The following RB1CC1 variants were observed in gnomAD, a reference collection of about 807,000 sequenced individuals.
RB1CC1 encodes RB1 inducible coiled-coil 1.
In RB1CC1, 46 loss-of-function variants were observed where a neutral mutation model predicts 177.5. The observed-to-expected ratio is 0.26, with a 90% CI of 0.20 to 0.33. The LOEUF is 0.33. Ranked by LOEUF, RB1CC1 falls within the 10% of genes least tolerant of loss-of-function variation. The probability of loss-of-function intolerance (pLI) is 1.00; values close to 1 mark genes in which losing one functional copy is unlikely to be tolerated. For synonymous variants in RB1CC1, 666 were observed against 613.6 expected (o/e 1.09, Z -1.26); for missense variants, 1,703 against 1,816.3 (o/e 0.94, Z 1.13).
At chr8:52,677,790 T>TG (rs1009258242) in intron 5 of RB1CC1, among the ~76,000 whole-genome samples, 3 of 151,572 alleles carry the variant, frequency 2.0e-5, no homozygotes, top group African/African-American at 7.3e-5. Flanking sequence ...TAAAATAGAG[T>TG]GGGGAAAAAA....
intron 8 of RB1CC1, among the ~76,000 whole-genome samples, 177 bp downstream of exon 8, chr8:52,667,844 A>G (rs982813973): frequency 6.6e-6 from 1 of 152,230 alleles, no homozygotes; most frequent in African/African-American, 2.4e-5. Context: ...TATCTATAGG[A>G]AACTCAATCA....
At position 52,685,443 on chromosome 8, in the gene RB1CC1, G is replaced by A; in HGVS notation, c.27C>T (p.Asn9=). The A allele has an allele frequency of 3.1e-6, 5 of 1,598,318 alleles. No homozygotes were observed. Among genetic ancestry groups the A allele is most frequent in the Non-Finnish European group, 4.3e-6 (5 of 1,170,016 alleles). The stretch of plus-strand genomic sequence containing the variant: ...TGTCAAATGTTAGAGTAGTTCCAGT[G>A]TTAACCAGAAATACATATAACTTCA... MKLYVFLV[N]TGTTLTFDTE... The change falls in exon 3 of 24, where the codon AAC becomes AAT. Residue 9 remains asparagine (N), a synonymous_variant. Transcript: ENST00000025008.
At chr8:52,698,124 G>A (rs1031416456) in intron 1 of RB1CC1, among the ~76,000 whole-genome samples, 5 of 152,040 alleles carry the variant, frequency 3.3e-5, no homozygotes, top group African/African-American at 1.2e-4. Flanking sequence ...ACCCAGGCTA[G>A]AGTATAGTGG....
chr8:52,708,999 C>G (rs112241747), intron 1 of RB1CC1, among the ~76,000 whole-genome samples: 6,271 of 151,934 alleles, frequency 0.041, 451 homozygotes, highest in African/African-American at 0.14. Context: ...CCTGAGGTCG[C>G]GAGTTTGAGA....
rs1345243034 is a variant in RB1CC1, at chr8:52,628,092, T to G, written c.4576A>C (p.Thr1526Pro). 6.2e-7 allele frequency: 1 copy of G among 1,605,182 alleles called. No homozygotes were observed. ...GACTCTGAATGTAGAAAATATAAAG[T>G]AGGACTAACAGTAAATAACACATAA... is the stretch of plus-strand genomic sequence containing the variant. ...DNYVLFTVSP[T>P]LYFLHSESLP... The change falls in exon 22 of 24, where the codon ACT becomes CCT. Residue 1526 changes from threonine (T) to proline (P), a missense_variant. Transcript: ENST00000025008.
chr8:52,659,201 G>T (rs1253543487), intron 12 of RB1CC1, among the ~76,000 whole-genome samples: 1 of 152,090 alleles, frequency 6.6e-6, no homozygotes, highest in Non-Finnish European at 1.5e-5. Context: ...GGATGCACTT[G>T]TTCCTCCCCT....
At chr8:52,670,508 C>T (rs982095609) in intron 7 of RB1CC1, among the ~76,000 whole-genome samples, 6 of 152,090 alleles carry the variant, frequency 3.9e-5, no homozygotes, top group African/African-American at 1.4e-4. Flanking sequence ...ACCTTTAAAC[C>T]CACTCCCCTG....
At chr8:52,690,335 G>A (rs1022572276) in intron 1 of RB1CC1, among the ~76,000 whole-genome samples, 1 of 152,134 alleles carries the variant, frequency 6.6e-6, no homozygotes, top group Non-Finnish European at 1.5e-5. Context: ...TCCAAAACAC[G>A]TGTATTGATA....
At chr8:52,679,719 T>C (rs1853519223) in intron 5 of RB1CC1, among the ~76,000 whole-genome samples, 1 of 152,216 alleles carries the variant, frequency 6.6e-6, no homozygotes, top group Non-Finnish European at 1.5e-5. Context: ...TAATTTAGGT[T>C]CACACCACTA....
chr8:52,687,599 T>C (rs1036480736), intron 1 of RB1CC1, among the ~76,000 whole-genome samples: 35 of 152,264 alleles, frequency 2.3e-4, no homozygotes, highest in Middle Eastern at 3.4e-3. Context: ...GCCCACCTGA[T>C]AAGGAATTGA....
chr8:52,704,767 C>A (rs1222345554), intron 1 of RB1CC1, among the ~76,000 whole-genome samples: 1 of 152,108 alleles, frequency 6.6e-6, no homozygotes, highest in African/African-American at 2.4e-5. Context: ...GCACAGAAAT[C>A]AACTGCTATT....
chr8:52,635,229 T>C (rs935401824), intron 19 of RB1CC1, among the ~76,000 whole-genome samples: 9 of 152,188 alleles, frequency 5.9e-5, no homozygotes, highest in African/African-American at 1.9e-4. Context: ...TATATAAATA[T>C]GTAGTAAAAA....
At chr8:52,631,736 G>T (rs1450472113) in intron 20 of RB1CC1, among the ~76,000 whole-genome samples, 1 of 152,118 alleles carries the variant, frequency 6.6e-6, no homozygotes, top group Non-Finnish European at 1.5e-5. Flanking sequence ...TCACCACAGC[G>T]TGCTCAGTCC....
chr8:52,626,829 T>C (rs1848427775), intron 22 of RB1CC1, among the ~76,000 whole-genome samples: 1 of 152,000 alleles, frequency 6.6e-6, no homozygotes, highest in South Asian at 2.1e-4. Flanking sequence ...GAAAGTGGCC[T>C]AGTTCAAGAC....
chr8:52,664,679 G>A (rs1189143159), intron 8 of RB1CC1, among the ~76,000 whole-genome samples: 1 of 152,110 alleles, frequency 6.6e-6, no homozygotes, highest in African/African-American at 2.4e-5. Context: ...TTGGATTCAG[G>A]GAGGTTAAAT....
chr8:52,709,532 A>G (rs568554216), intron 1 of RB1CC1, among the ~76,000 whole-genome samples: 16 of 152,242 alleles, frequency 1.1e-4, no homozygotes, highest in African/African-American at 3.9e-4. Context: ...TCAGGCCAGG[A>G]GTTCAAGACC....
At chr8:52,695,391 C>A (rs1038170314) in intron 1 of RB1CC1, among the ~76,000 whole-genome samples, 1 of 152,236 alleles carries the variant, frequency 6.6e-6, no homozygotes, top group Non-Finnish European at 1.5e-5. Context: ...CTTTGCCCTT[C>A]GCTACTGGGA....
chr8:52,696,425 G>A (rs1563458546), intron 1 of RB1CC1, among the ~76,000 whole-genome samples: 1 of 152,266 alleles, frequency 6.6e-6, no homozygotes, highest in East Asian at 1.9e-4. Context: ...ACATAAGCCT[G>A]GAACATCTTA....
rs1423276807 is a variant in RB1CC1, at chr8:52,657,576, T to TATA, written c.2250_2252dup (p.Ile751dup). ...TCATTTCTGGGCTTTGTGGATCACT[T>TATA]ATAGGATTAGGAGACGACAAATTTT... On this transcript the variant is annotated inframe_insertion, in exon 15 of 24. Coordinates refer to ENST00000025008, the MANE Select transcript of RB1CC1 (RefSeq NM_014781.5). 1.9e-6 allele frequency: 3 copies of TATA among 1,614,060 alleles called. No individual in the cohort carries two copies. The highest frequency in any genetic ancestry group is 1.7e-5 in the Admixed American group (1 of 60,018).
Sources: gnomAD v4.1 joint callset for allele counts (sites outside exome capture counted in the v4.1 genomes callset) on GRCh38, gnomAD v4.1.1 for gene constraint, MANE v1.5 for transcripts, NCBI Gene and HGNC (gene_info 2026-07-23, HGNC 2026-07-21) for gene names.